The following SGCD variants were observed in gnomAD, a reference collection of about 807,000 sequenced individuals.
The protein encoded by SGCD is delta-sarcoglycan.
A neutral mutation model predicts 36.6 loss-of-function variants in SGCD; 18 were observed. The observed-to-expected ratio is 0.49, with a 90% CI of 0.34 to 0.73. The LOEUF (loss-of-function observed/expected upper bound fraction) is 0.73. Among genes scored for constraint, SGCD ranks in the 30% least tolerant of loss-of-function variants. The probability of loss-of-function intolerance (pLI) is 0.01; values close to 1 mark genes in which losing one functional copy is unlikely to be tolerated. For missense variants in SGCD, 387 were observed against 346.7 expected, an observed-to-expected ratio of 1.12 and a Z score of -0.92; for synonymous variants, 133 against 130.6, an observed-to-expected ratio of 1.02 and a Z score of -0.12.
At chr5:156,388,596 G>A (rs962916217) in intron 3 of SGCD, among the ~76,000 whole-genome samples, 6 of 152,212 alleles carry the variant, frequency 3.9e-5, no homozygotes, top group African/African-American at 9.7e-5. Context: ...AGACCCCAAA[G>A]TGCCAGAGTC....
intron 7 of SGCD, among the ~76,000 whole-genome samples, chr5:156,747,355 G>T (rs944467991): frequency 6.6e-6 from 1 of 152,158 alleles, no homozygotes; most frequent in Non-Finnish European, 1.5e-5. Context: ...TTTTCTGTAG[G>T]TCAGGAATCA....
intron 1 of SGCD, among the ~76,000 whole-genome samples, chr5:155,969,320 A>G (rs535456472): frequency 6.6e-6 from 1 of 152,268 alleles, no homozygotes; most frequent in East Asian, 1.9e-4. Flanking sequence ...TGTTGGGCAA[A>G]GGTATTCAGT....
At chr5:156,379,041 T>C (rs1321083635) in intron 3 of SGCD, among the ~76,000 whole-genome samples, 1 of 152,196 alleles carries the variant, frequency 6.6e-6, no homozygotes, top group African/African-American at 2.4e-5. Context: ...ACAAACCTAT[T>C]CATAATTCAC....
chr5:156,024,644 T>C (rs1416947175), intron 1 of SGCD, among the ~76,000 whole-genome samples: 2 of 152,172 alleles, frequency 1.3e-5, no homozygotes, highest in Non-Finnish European at 2.9e-5. Context: ...AGTGTTTCCC[T>C]GTAATAATTT....
At chr5:156,109,322 G>T (rs533284327) in intron 1 of SGCD, among the ~76,000 whole-genome samples, 1 of 152,160 alleles carries the variant, frequency 6.6e-6, no homozygotes, top group South Asian at 2.1e-4. Context: ...TAATTTCAGT[G>T]ACTCAGTTTT....
the SGCD span, among the ~76,000 whole-genome samples, chr5:155,854,323 G>A: frequency 6.6e-6 from 1 of 152,132 alleles, no homozygotes; most frequent in Admixed American, 6.5e-5. Context: ...AATTATTACT[G>A]GGGGTTGAGA....
intron 3 of SGCD, among the ~76,000 whole-genome samples, chr5:156,258,033 A>C (rs1202872383): frequency 6.6e-6 from 1 of 152,202 alleles, no homozygotes; most frequent in African/African-American, 2.4e-5. Context: ...CATGGAGTAC[A>C]ACTTTTTATT....
At chr5:156,155,375 G>A (rs1581134347) in intron 3 of SGCD, among the ~76,000 whole-genome samples, 1 of 151,516 alleles carries the variant, frequency 6.6e-6, no homozygotes, top group East Asian at 1.9e-4. Context: ...GTGGTGCCGT[G>A]TTGCCAGACC....
intron 6 of SGCD, among the ~76,000 whole-genome samples, chr5:156,638,689 G>T (rs1440968996): frequency 6.6e-6 from 1 of 152,132 alleles, no homozygotes; most frequent in Non-Finnish European, 1.5e-5. Context: ...GTTGCTTGCT[G>T]CTTGGATGGT....
At chr5:156,072,182 G>C (rs945989944) in intron 1 of SGCD, among the ~76,000 whole-genome samples, 1 of 152,104 alleles carries the variant, frequency 6.6e-6, no homozygotes, top group South Asian at 2.1e-4. Context: ...TATGATATTA[G>C]CTGGTTATTT....
At chr5:155,733,053 G>A in the SGCD span, among the ~76,000 whole-genome samples, 4 of 144,608 alleles carry the variant, frequency 2.8e-5, no homozygotes, top group Admixed American at 2.8e-4. Context: ...AAGTCGGAAA[G>A]CACTTATGGA....
intron 1 of SGCD, among the ~76,000 whole-genome samples, chr5:156,056,965 C>T (rs1454029873): frequency 1.4e-5 from 2 of 146,096 alleles, no homozygotes; most frequent in African/African-American, 4.9e-5. Flanking sequence ...TGGAAACTAG[C>T]GCATCCCTAA....
rs1366627100 is a variant in SGCD, at chr5:156,760,899, A to G, written c.*1509A>G. 3 of 152,642 alleles carry G rather than the reference A, an allele frequency of 2.0e-5. No homozygotes were observed. Among genetic ancestry groups the G allele is most frequent in the Non-Finnish European group, 4.4e-5 (3 of 68,074 alleles). The allele number at this position is 152,642 out of a possible 1,614,324, so 9.5% of individuals were successfully genotyped here. A position where few individuals can be genotyped will look rare whatever the true frequency, so the allele number is the denominator to read the frequency against. On this transcript the variant is annotated 3_prime_UTR_variant, in exon 9 of 9. Transcript: ENST00000337851. ...GGGAATGACTTAGTTATGACTGGAC[A>G]TCTTAAAAGCTGATAGACAAGCCAA...
At chr5:156,271,883 TG>T (rs1766191577) in intron 3 of SGCD, among the ~76,000 whole-genome samples, 1 of 152,186 alleles carries the variant, frequency 6.6e-6, no homozygotes, top group Admixed American at 6.5e-5. Context: ...TAAATAAACT[TG>T]ACTTCTGGCA....
intron 1 of SGCD, among the ~76,000 whole-genome samples, chr5:155,880,471 T>C (rs946988615): frequency 1.2e-4 from 18 of 152,308 alleles, no homozygotes; most frequent in African/African-American, 4.3e-4. Context: ...ATAGTCTGTT[T>C]GAAAATTCAC....
chr5:156,428,747 A>G (rs2127785891), intron 3 of SGCD, among the ~76,000 whole-genome samples: 1 of 152,098 alleles, frequency 6.6e-6, no homozygotes, highest in Non-Finnish European at 1.5e-5. Context: ...ACTATTATTC[A>G]TTTCAAATAA....
At chr5:155,905,856 C>G (rs951324329) in intron 1 of SGCD, among the ~76,000 whole-genome samples, 2 of 152,118 alleles carry the variant, frequency 1.3e-5, no homozygotes, top group African/African-American at 2.4e-5. Flanking sequence ...GATTCTGAGG[C>G]CTCCCCAGCC....
intron 1 of SGCD, among the ~76,000 whole-genome samples, chr5:156,036,606 C>CT (rs1246195011): frequency 2.0e-5 from 3 of 152,178 alleles, no homozygotes; most frequent in Non-Finnish European, 2.9e-5. Context: ...TCTTGAGACT[C>CT]TAACTTACTT....
the SGCD span, among the ~76,000 whole-genome samples, chr5:155,791,463 C>A: frequency 6.6e-6 from 1 of 152,126 alleles, no homozygotes; most frequent in African/African-American, 2.4e-5. Context: ...AAAAAGAAGT[C>A]AAACTATCTC....
Sources: allele counts gnomAD v4.1 joint callset (sites outside exome capture counted in the v4.1 genomes callset), GRCh38; gene constraint gnomAD v4.1.1; transcripts MANE v1.5; gene names NCBI Gene and HGNC (gene_info 2026-07-23, HGNC 2026-07-21).